Variants in RUNX1T1 observed in about 807,000 individuals in gnomAD.
RUNX1T1 encodes protein CBFA2T1.
In RUNX1T1, 4 loss-of-function variants were observed where a neutral mutation model predicts 62.8. The observed-to-expected ratio is 0.06, with a 90% CI of 0.03 to 0.15. The LOEUF is 0.15. Ranked by LOEUF, RUNX1T1 falls within the 10% of genes least tolerant of loss-of-function variation. The probability of loss-of-function intolerance (pLI) is 1.00; values close to 1 mark genes in which losing one functional copy is unlikely to be tolerated. For missense variants in RUNX1T1, 508 were observed against 754.3 expected (o/e 0.67, Z 3.82); for synonymous variants, 291 against 286.0 (o/e 1.02, Z -0.18).
intron 1 of RUNX1T1, among the ~76,000 whole-genome samples, chr8:92,055,965 T>C (rs1262052322): frequency 6.6e-6 from 1 of 152,240 alleles, no homozygotes; most frequent in African/African-American, 2.4e-5. Flanking sequence ...ACAATGTCCA[T>C]TTCACAGGGA....
exon 1 of RUNX1T1, chr8:92,062,654 G>A (rs1832248163): frequency 1.2e-6 from 2 of 1,613,674 alleles, no homozygotes; most frequent in Admixed American, 1.7e-5. Flanking sequence ...CAGAGAGGAG[G>A]GCCATCAGAG....
chr8:92,028,678 G>T (rs1186607714), intron 1 of RUNX1T1, among the ~76,000 whole-genome samples: 1 of 152,144 alleles, frequency 6.6e-6, no homozygotes, highest in African/African-American at 2.4e-5. Context: ...CCTGGCACAG[G>T]CAAATAGCAA....
In RUNX1T1 at chr8:92,005,303, A is replaced by G; in HGVS notation, c.478-6T>C. 1 of 1,608,716 alleles carries G rather than the reference A, an allele frequency of 6.2e-7. No homozygotes were observed. Among genetic ancestry groups the G allele is most frequent in the South Asian group, 1.1e-5 (1 of 90,122 alleles). ...TGCAGCAGGGGCAAGTTGGCCTGCAAGGGAATGACAGGAATGAGAGGACGG... is the reference window on the plus strand; with the variant it reads ...TGCAGCAGGGGCAAGTTGGCCTGCAGGGGAATGACAGGAATGAGAGGACGG... On this transcript the variant is annotated splice_region_variant and splice_polypyrimidine_tract_variant and intron_variant, in intron 4 of 10. Coordinates refer to ENST00000396218, the Ensembl canonical transcript of RUNX1T1.
chr8:92,082,677 G>A (rs886355839), intron 1 of RUNX1T1, among the ~76,000 whole-genome samples: 10 of 152,106 alleles, frequency 6.6e-5, no homozygotes, highest in African/African-American at 2.4e-4. Context: ...TGTGAGCCAC[G>A]GCATCTCAGG....
At chr8:92,055,060 G>C (rs1830825382) in intron 1 of RUNX1T1, among the ~76,000 whole-genome samples, 1 of 152,104 alleles carries the variant, frequency 6.6e-6, no homozygotes, top group Admixed American at 6.6e-5. Flanking sequence ...AAACTGATCA[G>C]CTTGTGATTA....
intron 7 of RUNX1T1, among the ~76,000 whole-genome samples, chr8:91,986,594 A>G (rs949436097): frequency 2.6e-5 from 4 of 152,184 alleles, no homozygotes; most frequent in African/African-American, 7.2e-5. Context: ...CTCTCCAAAT[A>G]CTAATCCCAT....
intron 2 of RUNX1T1, among the ~76,000 whole-genome samples, chr8:92,016,393 A>G (rs1029093111): frequency 1.3e-5 from 2 of 152,148 alleles, no homozygotes; most frequent in Non-Finnish European, 2.9e-5. Context: ...CAAGAAAGAC[A>G]CGACCGGGTG....
Position 92,090,737 on chromosome 8 carries a change from C to G in RUNX1T1, c.-86+8843G>C, listed in dbSNP as rs142227587. On this transcript the variant is annotated intron_variant, in intron 1 of 11. Transcript: ENST00000265814. Reference sequence around the variant, plus strand: ...ATAAGGTCCTAAATAATTACTAAAGCTCAGGCACAAAGTAAGTCATTAATT... The same window carrying G: ...ATAAGGTCCTAAATAATTACTAAAGGTCAGGCACAAAGTAAGTCATTAATT... Among the ~76,000 whole-genome samples, 764 of 152,238 alleles carry G rather than the reference C, an allele frequency of 5.0e-3. 7 individuals carry two copies. Among genetic ancestry groups the G allele is most frequent in the African/African-American group, 0.018 (727 of 41,522 alleles).
intron 1 of RUNX1T1, among the ~76,000 whole-genome samples, chr8:92,028,477 C>G (rs918794883): frequency 6.6e-6 from 1 of 152,008 alleles, no homozygotes; most frequent in African/African-American, 2.4e-5. Flanking sequence ...CTTGGAGGTA[C>G]CTAAGGTACC....
Position 91,966,738 on chromosome 8 carries a change from T to C in RUNX1T1, c.1458+3920A>G, listed in dbSNP as rs189005930. On this transcript the variant is annotated intron_variant, in intron 10 of 10. Coordinates refer to ENST00000396218, the Ensembl canonical transcript of RUNX1T1. ...GGCATTATATTCTGGGTTAAATATA[T>C]AATCCACTGGGAAAAGAGAAAGTAC... is the stretch of plus-strand genomic sequence containing the variant. Among the ~76,000 whole-genome samples the C allele has an allele frequency of 4.6e-5, 7 of 152,316 alleles. No individual in the cohort carries two copies. The South Asian group carries it at 8.3e-4, about 18-fold the overall frequency.
At chr8:92,099,007 T>C (rs1837917981) in intron 1 of RUNX1T1, among the ~76,000 whole-genome samples, 1 of 152,204 alleles carries the variant, frequency 6.6e-6, no homozygotes, top group Admixed American at 6.5e-5. Context: ...TTGGAAGGTG[T>C]CTCTAGATAA....
intron 1 of RUNX1T1, among the ~76,000 whole-genome samples, chr8:92,094,040 A>T (rs546877645): frequency 6.6e-6 from 1 of 152,346 alleles, no homozygotes; most frequent in East Asian, 1.9e-4. Context: ...GGCAGAAATG[A>T]CATACAGTAA....
intron 8 of RUNX1T1, among the ~76,000 whole-genome samples, chr8:91,978,613 T>C (rs141275711): frequency 9.4e-4 from 143 of 152,338 alleles, no homozygotes; most frequent in African/African-American, 3.3e-3. Flanking sequence ...CACTTGGAAA[T>C]AGAAAATATT....
chr8:92,073,570 A>C (rs982291287), intron 2 of RUNX1T1, among the ~76,000 whole-genome samples: 2 of 152,190 alleles, frequency 1.3e-5, no homozygotes, highest in Non-Finnish European at 2.9e-5. Context: ...AATGGATTCC[A>C]GGTGTTCTAA....
At position 92,048,413 on chromosome 8, in the gene RUNX1T1, TC is replaced by T. The variant is rs372167888; in HGVS notation, c.7+14132del. ...ATTACAACTGGCGGGGTATGGTGGC[TC>T]ATACCTGTAATCTCAACACTTTGAG... On this transcript the variant is annotated intron_variant, in intron 1 of 10. Transcript: ENST00000396218. Among the ~76,000 whole-genome samples, 76 of 152,246 alleles carry T rather than the reference TC, an allele frequency of 5.0e-4. No homozygotes were observed. The East Asian group carries it at 0.012, about 24-fold the overall frequency.
At chr8:92,047,105 C>G (rs1250666357) in intron 1 of RUNX1T1, among the ~76,000 whole-genome samples, 2 of 152,032 alleles carry the variant, frequency 1.3e-5, no homozygotes, top group African/African-American at 2.4e-5. Flanking sequence ...CTTCAAGAAC[C>G]CTCCATGAGC....
At chr8:91,970,043 T>TGTGTGTGTGTGTGTTG (rs11374252) in intron 10 of RUNX1T1, among the ~76,000 whole-genome samples, 76 of 142,808 alleles carry the variant, frequency 5.3e-4, no homozygotes, top group African/African-American at 2.0e-3. Flanking sequence ...TGTGTGTGTG[T>TGTGTGTGTGTGTGTTG]TGTGTGTGTG....
At chr8:92,040,803 G>A (rs1186177110) in intron 1 of RUNX1T1, among the ~76,000 whole-genome samples, 2 of 152,138 alleles carry the variant, frequency 1.3e-5, no homozygotes, top group Non-Finnish European at 2.9e-5. Context: ...TATTTAAGAG[G>A]CTGGGGCAGG....
At chr8:92,060,553 A>ATGTGTGTGTGTGTG (rs1271953758) in intron 1 of RUNX1T1, among the ~76,000 whole-genome samples, 236 of 63,622 alleles carry the variant, frequency 3.7e-3, no homozygotes, top group South Asian at 9.9e-3. Flanking sequence ...ATATATATAT[A>ATGTGTGTGTGTGTG]TGTGTGTGTG....
Sources: allele counts gnomAD v4.1 joint callset (sites outside exome capture counted in the v4.1 genomes callset), GRCh38; gene constraint gnomAD v4.1.1; transcripts MANE v1.5; gene names NCBI Gene and HGNC (gene_info 2026-07-23, HGNC 2026-07-21).